Variants in ERCC8 observed in about 807,000 individuals in gnomAD.
ERCC8 encodes ERCC excision repair 8, CSA ubiquitin ligase complex subunit.
In ERCC8, 52 loss-of-function variants were observed where a neutral mutation model predicts 54.9. The ratio of observed to expected loss-of-function variants is 0.95; its 90% CI spans 0.76 to 1.19. ERCC8 has a LOEUF of 1.19. ERCC8 is among the 50% of genes most tolerant of loss of function. The pLI is 0.00. For missense variants in ERCC8, 514 were observed against 466.1 expected, an observed-to-expected ratio of 1.10 and a Z score of -0.95; for synonymous variants, 146 against 157.2, an observed-to-expected ratio of 0.93 and a Z score of 0.53.
rs201288445 is a variant in ERCC8 at position 60,898,795 on chromosome 5, G to A, written c.719-395C>T. Among the ~76,000 whole-genome samples the A allele has an allele frequency of 2.6e-3, 377 of 147,296 alleles. 1 individual carries two copies. Among genetic ancestry groups the A allele is most frequent in the African/African-American group, 8.5e-3 (344 of 40,486 alleles). ...ATCAATAATTCTAGTGTTTTCCATTGAAAAAAAAAACAGGGAAAGGATGAC... is the reference window on the plus strand; with the variant it reads ...ATCAATAATTCTAGTGTTTTCCATTAAAAAAAAAAACAGGGAAAGGATGAC... On this transcript the variant is annotated intron_variant, in intron 8 of 11. Transcript: ENST00000676185.
At chr5:60,926,989 T>TA (rs1226603259) in intron 2 of ERCC8, among the ~76,000 whole-genome samples, 3 of 152,282 alleles carry the variant, frequency 2.0e-5, no homozygotes, top group African/African-American at 7.2e-5. Flanking sequence ...TTTTTGCTGA[T>TA]AGAGTATGAA....
In ERCC8 at chr5:60,867,186, GTA is replaced by G. The variant is rs904197183; in HGVS notation, c.*7427_*7428del. Among the ~76,000 whole-genome samples the G allele has an allele frequency of 5.9e-5, 9 of 152,040 alleles. No homozygotes were observed. The highest frequency in any genetic ancestry group is 2.2e-4 in the African/African-American group (9 of 41,382). On this transcript the variant is annotated 3_prime_UTR_variant, in exon 12 of 12. Transcript: ENST00000676185. ...AAAGAAGGAAAAAAAATATCCAAAT[GTA>G]TATGTTTCCTTGGTAGTGACCTAAG...
chr5:60,927,285 A>G (rs1346811342), intron 2 of ERCC8, among the ~76,000 whole-genome samples: 1 of 152,188 alleles, frequency 6.6e-6, no homozygotes, highest in African/African-American at 2.4e-5. Flanking sequence ...AAATATTAAC[A>G]GGTGTTTTGA....
rs1357976824 is a variant in ERCC8 at position 60,868,466 on chromosome 5, A to C, written c.*6149T>G. ...ACACAGAGAACTAAGAGAGGTCGCA[A>C]CATAGTTCTTTAATTTTACCCCCTT... On this transcript the variant is annotated 3_prime_UTR_variant, in exon 12 of 12. Transcript: ENST00000676185. Among the ~76,000 whole-genome samples the C allele has an allele frequency of 2.0e-5, 3 of 152,206 alleles. No individual in the cohort carries two copies. Among genetic ancestry groups the C allele is most frequent in the Non-Finnish European group, 4.4e-5 (3 of 68,018 alleles).
intron 1 of ERCC8, among the ~76,000 whole-genome samples, chr5:60,933,483 G>C (rs1262686671): frequency 1.3e-5 from 2 of 152,074 alleles, no homozygotes; most frequent in African/African-American, 4.8e-5. Context: ...CTCCCAAAGT[G>C]CTGGGATTAC....
chr5:60,885,143 C>T (rs1164329431), intron 11 of ERCC8, among the ~76,000 whole-genome samples: 2 of 152,040 alleles, frequency 1.3e-5, no homozygotes, highest in Non-Finnish European at 2.9e-5. Context: ...TCTTAAGTAG[C>T]TGGAACTATA....
intron 4 of ERCC8, among the ~76,000 whole-genome samples, chr5:60,913,077 G>T (rs1749318831): frequency 6.6e-6 from 1 of 152,056 alleles, no homozygotes; most frequent in Non-Finnish European, 1.5e-5. Flanking sequence ...TCTCTGCCAG[G>T]CTTTGTTATC....
intron 5 of ERCC8, among the ~76,000 whole-genome samples, 156 bp downstream of exon 5, chr5:60,904,630 GTGTGTA>G (rs1465648595): frequency 0.014 from 608 of 44,382 alleles, 3 homozygotes; most frequent in East Asian, 0.032. Context: ...TAGTGTGTGT[GTGTGTA>G]TATATATATA....
intron 1 of ERCC8, 122 bp from the exon 2 acceptor site, chr5:60,929,081 T>C: frequency 3.1e-6 from 2 of 651,762 alleles, no homozygotes; most frequent in Non-Finnish European, 5.5e-6. Context: ...CTACCACACA[T>C]CCTAACGTAT....
chr5:60,908,583 A>ATATATATTT (rs527918086), intron 4 of ERCC8, among the ~76,000 whole-genome samples: 21 of 141,880 alleles, frequency 1.5e-4, no homozygotes, highest in African/African-American at 5.4e-4. Flanking sequence ...ATATATATAT[A>ATATATATTT]TTTTTTTTTT....
rs1261787731 is a variant in ERCC8, at chr5:60,890,878, A to G, written c.1041+11T>C. The G allele has an allele frequency of 2.5e-6, 4 of 1,601,096 alleles. No homozygotes were observed. Among genetic ancestry groups the G allele is most frequent in the Non-Finnish European group, 1.7e-6 (2 of 1,168,564 alleles). On this transcript the variant is annotated intron_variant, in intron 10 of 11. Coordinates refer to ENST00000676185, the MANE Select transcript of ERCC8 (RefSeq NM_000082.4). ...CTAGCTGAACATTTTAAATTCCTGTATCACTCTTACCTGGAAATTTGACTG... is the reference window on the plus strand; with the variant it reads ...CTAGCTGAACATTTTAAATTCCTGTGTCACTCTTACCTGGAAATTTGACTG...
chr5:60,899,758 T>C (rs1207441138), intron 7 of ERCC8, 31 bp from the exon 8 acceptor site: 4 of 1,495,144 alleles, frequency 2.7e-6, no homozygotes, highest in Non-Finnish European at 1.9e-6. Context: ...CATTGACATA[T>C]GTAGCTAGGA....
At chr5:60,923,373 T>C (rs898990947) in intron 2 of ERCC8, among the ~76,000 whole-genome samples, 2 of 152,160 alleles carry the variant, frequency 1.3e-5, no homozygotes, top group Non-Finnish European at 2.9e-5. Context: ...TCTAATACTG[T>C]TACTGTGTTT....
intron 6 of ERCC8, chr5:60,903,420 T>C (rs1748957890): frequency 1.6e-6 from 1 of 614,338 alleles, no homozygotes; most frequent in Non-Finnish European, 2.6e-6. Flanking sequence ...GAACTATTTT[T>C]CATATTGTTT....
chr5:60,899,187 A>C (rs1002634756), intron 8 of ERCC8, among the ~76,000 whole-genome samples: 2 of 151,990 alleles, frequency 1.3e-5, no homozygotes, highest in Non-Finnish European at 2.9e-5. Context: ...CACAGGAATT[A>C]AATTCTACTG....
chr5:60,939,089 AT>A (rs1417612556), intron 1 of ERCC8, among the ~76,000 whole-genome samples: 3 of 152,182 alleles, frequency 2.0e-5, no homozygotes. Context: ...ATGACATCTG[AT>A]ATACTTGGTA....
At chr5:60,892,570 C>A in intron 9 of ERCC8, 1 of 660,350 alleles carries the variant, frequency 1.5e-6, no homozygotes, top group Non-Finnish European at 2.9e-6. Context: ...AAATGGTGGG[C>A]CACTGCTGTC....
intron 10 of ERCC8, among the ~76,000 whole-genome samples, chr5:60,890,512 A>G (rs1748514822): frequency 6.6e-6 from 1 of 152,178 alleles, no homozygotes; most frequent in South Asian, 2.1e-4. Flanking sequence ...GGAAGAATAG[A>G]TCATCCACAC....
chr5:60,890,843 G>GGCAA (rs748251944), intron 10 of ERCC8, 46 bp downstream of exon 10: 166 of 1,397,784 alleles, frequency 1.2e-4, no homozygotes, highest in Middle Eastern at 1.8e-4. Context: ...TAACTGGTCT[G>GGCAA]GCAAGCTAGC....
Sources: gnomAD v4.1 joint callset for allele counts (sites outside exome capture counted in the v4.1 genomes callset) on GRCh38, gnomAD v4.1.1 for gene constraint, MANE v1.5 for transcripts, NCBI Gene and HGNC (gene_info 2026-07-23, HGNC 2026-07-21) for gene names.